Variants in ZDHHC2 observed in about 807,000 individuals in gnomAD.
The protein encoded by ZDHHC2 is palmitoyltransferase ZDHHC2.
Under a neutral mutation model 55.6 loss-of-function variants are expected in ZDHHC2, and 51 were observed. The ratio of observed to expected loss-of-function variants is 0.92; its 90% CI spans 0.73 to 1.16. The LOEUF (loss-of-function observed/expected upper bound fraction) is 1.16, where lower values mean the gene tolerates loss of function less well. Among genes scored for constraint, ZDHHC2 ranks in the 50% most tolerant of loss-of-function variants. The pLI, the probability that ZDHHC2 is intolerant of heterozygous loss-of-function variation, is 0.00. For synonymous variants in ZDHHC2, 199 were observed against 152.9 expected (o/e 1.30, Z -2.22); for missense variants, 491 against 442.4 (o/e 1.11, Z -0.99).
intron 7 of ZDHHC2, among the ~76,000 whole-genome samples, chr8:17,207,439 TG>T (rs1807158836): frequency 6.6e-6 from 1 of 151,336 alleles, no homozygotes; most frequent in South Asian, 2.1e-4. Context: ...TAAGATAGCT[TG>T]AAGCATTATT....
chr8:17,165,319 T>A (rs1273891288), intron 1 of ZDHHC2, among the ~76,000 whole-genome samples: 1 of 152,224 alleles, frequency 6.6e-6, no homozygotes, highest in East Asian at 1.9e-4. Flanking sequence ...CTATGACTAG[T>A]GATTAGCCAG....
intron 3 of ZDHHC2, among the ~76,000 whole-genome samples, chr8:17,188,454 A>G (rs1175031655): frequency 6.6e-6 from 1 of 152,204 alleles, no homozygotes; most frequent in South Asian, 2.1e-4. Flanking sequence ...TGTATACAAC[A>G]TGGCATTATT....
chr8:17,199,583 T>TTCGTCTTCGTCTTCG (rs1806592080), intron 6 of ZDHHC2, among the ~76,000 whole-genome samples: 1 of 67,462 alleles, frequency 1.5e-5, no homozygotes, highest in African/African-American at 3.3e-5. Flanking sequence ...TGTCTTCTTC[T>TTCGTCTTCGTCTTCG]TCTTCTTTCT....
At chr8:17,200,541 A>G (rs942538343) in intron 6 of ZDHHC2, among the ~76,000 whole-genome samples, 22 of 152,342 alleles carry the variant, frequency 1.4e-4, no homozygotes, top group Admixed American at 1.2e-3. Context: ...TGTGATGACA[A>G]GGAATGGAGA....
chr8:17,192,884 C>T (rs1806106864), intron 3 of ZDHHC2, among the ~76,000 whole-genome samples: 1 of 152,156 alleles, frequency 6.6e-6, no homozygotes, highest in South Asian at 2.1e-4. Flanking sequence ...CTGCCCTTTC[C>T]CCAGTGTATG....
chr8:17,177,804 T>A (rs1805224388), intron 1 of ZDHHC2, among the ~76,000 whole-genome samples: 1 of 151,874 alleles, frequency 6.6e-6, no homozygotes, highest in African/African-American at 2.4e-5. Context: ...GGGGCGGTAT[T>A]CTTCATTATC....
At chr8:17,216,828 T>A (rs763041990) in intron 11 of ZDHHC2, among the ~76,000 whole-genome samples, 1 of 152,128 alleles carries the variant, frequency 6.6e-6, no homozygotes, top group Non-Finnish European at 1.5e-5. Context: ...CAAAGATTGG[T>A]TTGACTAGAA....
At chr8:17,192,542 G>T (rs1454109003) in intron 3 of ZDHHC2, among the ~76,000 whole-genome samples, 1 of 152,180 alleles carries the variant, frequency 6.6e-6, no homozygotes, top group African/African-American at 2.4e-5. Flanking sequence ...CAAATGGGGA[G>T]TTGCCAAATA....
intron 7 of ZDHHC2, 118 bp downstream of exon 7, chr8:17,205,893 C>A: frequency 1.0e-6 from 1 of 973,998 alleles, no homozygotes; most frequent in Non-Finnish European, 1.5e-6. Flanking sequence ...GACATGCAGT[C>A]AGTCCTCATT....
At chr8:17,197,521 A>G in intron 4 of ZDHHC2, 61 bp from the exon 5 acceptor site, 1 of 1,384,482 alleles carries the variant, frequency 7.2e-7, no homozygotes, top group Non-Finnish European at 1.0e-6. Flanking sequence ...GATAAAAGCC[A>G]TTTAATTGTA....
chr8:17,182,447 C>G (rs999307251), intron 1 of ZDHHC2, among the ~76,000 whole-genome samples: 3 of 152,042 alleles, frequency 2.0e-5, no homozygotes, highest in Non-Finnish European at 2.9e-5. Flanking sequence ...AACAGAGTTA[C>G]GTTTACAGGA....
chr8:17,157,188 C>T (rs900514251), intron 1 of ZDHHC2, among the ~76,000 whole-genome samples: 3 of 152,134 alleles, frequency 2.0e-5, no homozygotes, highest in African/African-American at 7.2e-5. Context: ...GAGGGGAGGC[C>T]GAGGCCGGCG....
At position 17,156,682 on chromosome 8, in the gene ZDHHC2, C is replaced by T. The variant is rs1804061689; in HGVS notation, c.-42C>T. On this transcript the variant is annotated 5_prime_UTR_variant, in exon 1 of 13. Coordinates refer to ENST00000262096, the MANE Select transcript of ZDHHC2 (RefSeq NM_016353.5). ...GCCCAGCCCGCCCCGGAGCCAGGCC[C>T]GCGGGCGGCGGCGGAGCTGGGCAGG... 3 of 1,268,634 alleles carry T rather than the reference C, an allele frequency of 2.4e-6. No homozygotes were observed. Among genetic ancestry groups the T allele is most frequent in the East Asian group, 7.3e-5 (2 of 27,498 alleles). 78.6% of individuals were successfully genotyped at this position (1,268,634 alleles called of 1,614,324 possible).
intron 1 of ZDHHC2, among the ~76,000 whole-genome samples, chr8:17,184,149 AC>A (rs1471062216): frequency 6.6e-6 from 1 of 151,974 alleles, no homozygotes; most frequent in Non-Finnish European, 1.5e-5. Context: ...ATTACTAAAT[AC>A]AACTTCTTGC....
intron 1 of ZDHHC2, among the ~76,000 whole-genome samples, chr8:17,163,595 T>C (rs1447267087): frequency 6.6e-6 from 1 of 152,230 alleles, no homozygotes; most frequent in Non-Finnish European, 1.5e-5. Context: ...TTTATACTGC[T>C]GATTTATGCC....
At chr8:17,190,339 A>G (rs560475565) in intron 3 of ZDHHC2, among the ~76,000 whole-genome samples, 36 of 152,212 alleles carry the variant, frequency 2.4e-4, no homozygotes, top group African/African-American at 8.7e-4. Flanking sequence ...TTTTACGGTT[A>G]GGGGAACATG....
rs1805699464 is a variant in ZDHHC2 at position 17,186,207 on chromosome 8, G to A, written c.158-124G>A. ...GTGTTTATTCTAGTATAAAGTAAAG[G>A]AACTTTCATAATGTATTATAATTGG... On this transcript the variant is annotated intron_variant, in intron 2 of 12. Transcript: ENST00000262096. 5 of 621,700 alleles carry A rather than the reference G, an allele frequency of 8.0e-6. No individual in the cohort carries two copies. The Admixed American group carries it at 1.1e-4, about 13-fold the overall frequency. 38.5% of individuals were successfully genotyped at this position (621,700 alleles called of 1,614,324 possible).
intron 6 of ZDHHC2, among the ~76,000 whole-genome samples, chr8:17,202,750 C>G (rs1806861058): frequency 1.3e-5 from 2 of 150,514 alleles, no homozygotes. Flanking sequence ...CACACACACA[C>G]ACACATATAC....
chr8:17,165,683 A>G (rs867924856), intron 1 of ZDHHC2, among the ~76,000 whole-genome samples: 1 of 152,226 alleles, frequency 6.6e-6, no homozygotes, highest in Non-Finnish European at 1.5e-5. Flanking sequence ...GAAATAAAAA[A>G]CATAAGTACA....
Sources: gnomAD v4.1 joint callset for allele counts (sites outside exome capture counted in the v4.1 genomes callset) on GRCh38, gnomAD v4.1.1 for gene constraint, MANE v1.5 for transcripts, NCBI Gene and HGNC (gene_info 2026-07-23, HGNC 2026-07-21) for gene names.